RTP2: variants seen among roughly 807,000 people sequenced by gnomAD.
The protein encoded by RTP2 is receptor-transporting protein 2.
A neutral mutation model predicts 17.9 loss-of-function variants in RTP2; 12 were observed. The ratio of observed to expected loss-of-function variants is 0.67; its 90% CI spans 0.43 to 1.09. The LOEUF is 1.09. Ranked by LOEUF, RTP2 falls within the 50% of genes least tolerant of loss-of-function variation. RTP2 has a pLI of 0.00. For missense variants in RTP2, 327 were observed against 295.7 expected, an observed-to-expected ratio of 1.11 and a Z score of -0.78; for synonymous variants, 126 against 117.7, an observed-to-expected ratio of 1.07 and a Z score of -0.46.
chr3:187,715,690 T>A, the RTP2 span: 1 of 457,008 alleles, frequency 2.2e-6, no homozygotes, highest in East Asian at 6.9e-5. Flanking sequence ...AGAAGCAGAA[T>A]GTCTGAAATC....
At position 187,702,369 on chromosome 3, in the gene RTP2, G is replaced by T. The variant is rs979260829; in HGVS notation, c.-241C>A. 8.9e-6 allele frequency: 5 copies of T among 562,698 alleles called. No individual in the cohort carries two copies. The Admixed American group carries it at 1.2e-4, about 14-fold the overall frequency. 34.9% of individuals were successfully genotyped at this position (562,698 alleles called of 1,614,324 possible). A position where few individuals can be genotyped will look rare whatever the true frequency, so the allele number is the denominator to read the frequency against. On this transcript the variant is annotated 5_prime_UTR_variant, in exon 1 of 2. Transcript: ENST00000358241. The stretch of plus-strand genomic sequence containing the variant: ...CCAAGGGGGAGTTTCAGGGCCCTGA[G>T]TTAGGCTTCAGAGGCAGCGCTGGGT...
At chr3:187,713,467 C>A in the RTP2 span, among the ~76,000 whole-genome samples, 1 of 152,142 alleles carries the variant, frequency 6.6e-6, no homozygotes, top group Admixed American at 6.5e-5. Flanking sequence ...TTTATTGAAA[C>A]GAAAGTATAC....
intron 1 of RTP2, among the ~76,000 whole-genome samples, chr3:187,700,463 G>C (rs1406899738): frequency 6.6e-6 from 1 of 152,250 alleles, no homozygotes; most frequent in African/African-American, 2.4e-5. Flanking sequence ...CCAGGAGTAA[G>C]AGGAGCTGAC....
chr3:187,710,920 A>G, the RTP2 span, among the ~76,000 whole-genome samples: 7 of 152,214 alleles, frequency 4.6e-5, no homozygotes, highest in Admixed American at 6.5e-5. Flanking sequence ...AAATCAGTTT[A>G]GTACCCTGAG....
the RTP2 span, among the ~76,000 whole-genome samples, chr3:187,710,342 C>T: frequency 7.8e-4 from 116 of 148,380 alleles, 2 homozygotes; most frequent in Admixed American, 2.8e-3. Context: ...ATCACATGAG[C>T]GAATTCCTCA....
Position 187,701,430 on chromosome 3 carries a change from T to C in RTP2, c.164+535A>G, listed in dbSNP as rs189541778. On this transcript the variant is annotated intron_variant, in intron 1 of 1. Transcript: ENST00000358241. ...GACCAACCCCCTCATTTTGTAAATA[T>C]AAAAACTGAGAGCCAGAAAGGGAAA... Among the ~76,000 whole-genome samples the C allele has an allele frequency of 1.1e-3, 163 of 152,314 alleles. 1 individual carries two copies. The highest frequency in any genetic ancestry group is 3.8e-3 in the African/African-American group (156 of 41,564).
the RTP2 span, among the ~76,000 whole-genome samples, chr3:187,712,981 T>C: frequency 2.6e-5 from 4 of 152,214 alleles, no homozygotes; most frequent in South Asian, 8.3e-4. Flanking sequence ...GCGAAAGCTG[T>C]TTGCTCTGGG....
chr3:187,706,887 C>T (rs1318215396), upstream of RTP2, among the ~76,000 whole-genome samples: 1 of 152,202 alleles, frequency 6.6e-6, no homozygotes, highest in Non-Finnish European at 1.5e-5. Flanking sequence ...AGGCATGAGC[C>T]ACTGTGCCTG....
upstream of RTP2, among the ~76,000 whole-genome samples, chr3:187,706,450 A>G (rs1001434689): frequency 2.0e-5 from 3 of 152,326 alleles, no homozygotes; most frequent in African/African-American, 7.2e-5. Context: ...GACCAGAATA[A>G]AAAGAATTTT....
chr3:187,698,423 T>C, exon 2 of RTP2: 1 of 1,324,152 alleles, frequency 7.6e-7, no homozygotes, highest in Non-Finnish European at 1.0e-6. Flanking sequence ...GTTGAATCTG[T>C]AGCAGGATCA....
chr3:187,705,932 C>T (rs1011479122), upstream of RTP2, among the ~76,000 whole-genome samples: 4 of 152,132 alleles, frequency 2.6e-5, no homozygotes, highest in African/African-American at 9.7e-5. Context: ...ATTGGACAAA[C>T]ATTACATAGA....
chr3:187,713,642 C>T, the RTP2 span, among the ~76,000 whole-genome samples: 1 of 152,022 alleles, frequency 6.6e-6, no homozygotes, highest in African/African-American at 2.4e-5. Context: ...GGAAGGTGAC[C>T]AATCAGAGGC....
chr3:187,706,850 G>A (rs138328801), upstream of RTP2, among the ~76,000 whole-genome samples: 37 of 152,142 alleles, frequency 2.4e-4, no homozygotes, highest in African/African-American at 8.2e-4. Context: ...ATCCACCCAC[G>A]TCGGCCTCCC....
exon 2 of RTP2, chr3:187,698,919 G>A (rs781573795): frequency 1.4e-5 from 23 of 1,610,118 alleles, no homozygotes; most frequent in Non-Finnish European, 1.9e-5. Context: ...CATGCGCACC[G>A]AGCCCGCCCG....
At chr3:187,699,341 C>A (rs529489096) in intron 1 of RTP2, among the ~76,000 whole-genome samples, 10 of 152,248 alleles carry the variant, frequency 6.6e-5, no homozygotes, top group East Asian at 5.8e-4. Flanking sequence ...GTCATCCCCC[C>A]CTCTCTGGGC....
chr3:187,703,744 C>G (rs1052156745), upstream of RTP2, among the ~76,000 whole-genome samples: 1 of 152,142 alleles, frequency 6.6e-6, no homozygotes, highest in African/African-American at 2.4e-5. Flanking sequence ...CCTAGACCCT[C>G]GTGCCAGGAA....
chr3:187,702,192 T>C, exon 1 of RTP2: 8 of 1,494,024 alleles, frequency 5.4e-6, no homozygotes, highest in Non-Finnish European at 7.3e-6. Flanking sequence ...AGAGCACGGA[T>C]AGGTACGGGA....
upstream of RTP2, among the ~76,000 whole-genome samples, chr3:187,703,968 A>G (rs1237475189): frequency 6.6e-6 from 1 of 152,092 alleles, no homozygotes; most frequent in Non-Finnish European, 1.5e-5. Context: ...CACTGTTTTC[A>G]CTTTTCATAC....
intron 1 of RTP2, among the ~76,000 whole-genome samples, chr3:187,700,988 C>T (rs1321999228): frequency 2.6e-5 from 4 of 152,234 alleles, no homozygotes; most frequent in Non-Finnish European, 5.9e-5. Context: ...TCTGTTCCCA[C>T]CCTCAGCACC....
Sources: gnomAD v4.1 joint callset for allele counts (sites outside exome capture counted in the v4.1 genomes callset) on GRCh38, gnomAD v4.1.1 for gene constraint, MANE v1.5 for transcripts, NCBI Gene and HGNC (gene_info 2026-07-23, HGNC 2026-07-21) for gene names.